Variants in RLIM observed in about 807,000 individuals in gnomAD.
The protein encoded by RLIM is ring finger protein, LIM domain interacting, also known as E3 ubiquitin-protein ligase RLIM.
Under a neutral mutation model 34.0 loss-of-function variants are expected in RLIM, and 2 were observed. The observed-to-expected ratio is 0.06, with a 90% CI of 0.02 to 0.19. The LOEUF is 0.19. Among genes scored for constraint, RLIM ranks in the 10% least tolerant of loss-of-function variants. The pLI is 1.00. For synonymous variants in RLIM, 169 were observed against 164.0 expected (o/e 1.03, Z -0.23); for missense variants, 286 against 479.7 (o/e 0.60, Z 3.77).
chrX:74,607,590 T>C (rs1031873550), intron 1 of RLIM, among the ~76,000 whole-genome samples: 1 of 112,738 alleles, frequency 8.9e-6, no homozygotes, highest in Non-Finnish European at 1.9e-5. Context: ...GTGCCTGTAA[T>C]CCCAGCTACT....
intron 3 of RLIM, among the ~76,000 whole-genome samples, 156 bp downstream of exon 3, chrX:74,594,150 T>C (rs1444066603): frequency 8.9e-6 from 1 of 112,270 alleles, no homozygotes; most frequent in Non-Finnish European, 1.9e-5. Context: ...GCTGACATTC[T>C]AAGTATCAAG....
intron 1 of RLIM, among the ~76,000 whole-genome samples, chrX:74,599,693 C>A (rs1435443734): frequency 9.0e-6 from 1 of 111,508 alleles, no homozygotes; most frequent in Non-Finnish European, 1.9e-5. Context: ...TGCTGGCACC[C>A]TGATCTTGGA....
In RLIM at chrX:74,589,448, T is replaced by C. The variant is rs1436322998; in HGVS notation, c.*1992A>G. 8.9e-6 allele frequency: 1 copy of C among 111,938 alleles called. No individual in the cohort carries two copies. Among genetic ancestry groups the C allele is most frequent in the Non-Finnish European group, 1.9e-5 (1 of 53,215 alleles). 9.2% of individuals were successfully genotyped at this position (111,938 alleles called of 1,213,427 possible). On this transcript the variant is annotated 3_prime_UTR_variant, in exon 4 of 4. Transcript: ENST00000332687. ...CATAAGCGCCATAAACAGTGAAATC[T>C]GCTTATATTAAAAAAAATAAGTGAA...
chrX:74,596,241 T>C (rs1960101376), intron 1 of RLIM, among the ~76,000 whole-genome samples: 1 of 112,219 alleles, frequency 8.9e-6, no homozygotes, highest in South Asian at 3.7e-4. Context: ...AATCCAGCCA[T>C]ACTGTGGTAT....
rs1390872481 is a variant in RLIM at position 74,589,267 on chromosome X, CAAG to C, written c.*2170_*2172del. ...CCTATAATAATGAAACACTTTATGC[CAAG>C]AAGAAAATTGATTTGTTTTTAGCCA... is the stretch of plus-strand genomic sequence containing the variant. On this transcript the variant is annotated 3_prime_UTR_variant, in exon 4 of 4. Coordinates refer to ENST00000332687, the MANE Select transcript of RLIM (RefSeq NM_016120.4). The C allele has an allele frequency of 9.0e-6, 1 of 110,869 alleles. No individual in the cohort carries two copies. Among genetic ancestry groups the C allele is most frequent in the Non-Finnish European group, 1.9e-5 (1 of 52,920 alleles). The allele number at this position is 110,869 out of a possible 1,213,427, so 9.1% of individuals were successfully genotyped here.
In RLIM at chrX:74,583,316, C is replaced by T. The variant is rs772018102; in HGVS notation, c.*8124G>A. On this transcript the variant is annotated 3_prime_UTR_variant, in exon 4 of 4. Coordinates refer to ENST00000332687, the MANE Select transcript of RLIM (RefSeq NM_016120.4). ...TAAGAGGAAACAGCCATTCACCCAA[C>T]ATTTGCTTTTGCTCTTGAGGGGCAG... 8.8e-5 allele frequency: 88 copies of T among 1,000,943 alleles called. No homozygotes were observed. Among genetic ancestry groups the T allele is most frequent in the Non-Finnish European group, 8.5e-6 (6 of 702,200 alleles). 82.5% of individuals were successfully genotyped at this position (1,000,943 alleles called of 1,213,427 possible). A position where few individuals can be genotyped will look rare whatever the true frequency, so the allele number is the denominator to read the frequency against.
At chrX:74,597,132 TTCAA>T (rs1437551997) in intron 1 of RLIM, among the ~76,000 whole-genome samples, 12 of 112,077 alleles carry the variant, frequency 1.1e-4, no homozygotes, top group Non-Finnish European at 5.6e-5. Flanking sequence ...AAAATGAGGC[TTCAA>T]TCAAAGTAAA....
rs776212774 is a variant in RLIM, at chrX:74,595,894, T to C, written c.84A>G (p.Arg28=). 1 of 1,205,515 alleles carries C rather than the reference T, an allele frequency of 8.3e-7. No homozygotes were observed. The highest frequency in any genetic ancestry group is 1.1e-6 in the Non-Finnish European group (1 of 890,024). The change falls in exon 2 of 4, where the codon CGA becomes CGG. Residue 28 remains arginine (R), a synonymous_variant. Transcript: ENST00000332687. ...TTACAAATTGATAGAAAGCTTCTTC[T>C]CGATCCAATCGGTCCATCTGACTTC... ...QRRSQMDRLD[R]EEAFYQFVNN... is the part of the protein sequence containing the mutation.
At chrX:74,611,206 A>G (rs970921592) in intron 1 of RLIM, among the ~76,000 whole-genome samples, 1 of 111,987 alleles carries the variant, frequency 8.9e-6, no homozygotes, top group Non-Finnish European at 1.9e-5. Flanking sequence ...AAGACTTTTT[A>G]TTCTCTAATT....
intron 1 of RLIM, among the ~76,000 whole-genome samples, chrX:74,611,982 A>G (rs2079713400): frequency 8.9e-6 from 1 of 112,062 alleles, no homozygotes; most frequent in South Asian, 3.7e-4. Flanking sequence ...GTCGGGGACA[A>G]TCAAGGTTTG....
Position 74,591,982 on chromosome X carries a change from C to T in RLIM, c.1333G>A (p.Gly445Arg), listed in dbSNP as rs1429092049. ...CTACCACCACCAGAACCTCCTCTTC[C>T]ACTCCGTGACTCTGCCCTTTCCATA... ...RNMERAESRS[G>R]RGGSGGGSSS... Residue 445 changes from glycine (G) to arginine (R), a missense_variant, in exon 4 of 4, where the codon GGA becomes AGA. Gly to Arg is a moderately radical substitution (Grantham distance 125). Around this residue, in one of 6 missense-constraint regions of RLIM, gnomAD observed 69 missense variants for 83.5 expected, o/e 0.83. Coordinates refer to ENST00000332687, the MANE Select transcript of RLIM (RefSeq NM_016120.4). The T allele has an allele frequency of 8.3e-7, 1 of 1,211,660 alleles. No individual in the cohort carries two copies. Among genetic ancestry groups the T allele is most frequent in the Non-Finnish European group, 1.1e-6 (1 of 895,493 alleles).
In RLIM at chrX:74,583,496, T is replaced by C. The variant is rs1346229621; in HGVS notation, c.*7944A>G. 1.6e-5 allele frequency: 10 copies of C among 622,241 alleles called. No homozygotes were observed. In the East Asian group the frequency reaches 2.9e-4, roughly 18 times the overall value. 51.3% of individuals were successfully genotyped at this position (622,241 alleles called of 1,213,427 possible). On this transcript the variant is annotated 3_prime_UTR_variant, in exon 4 of 4. Transcript: ENST00000332687. Reference sequence around the variant, plus strand: ...GAACGGTGCGGACAGCAGGAGTAGCTGCAGCAGCTGTAGCTGCAAGACGTG... The same window carrying C: ...GAACGGTGCGGACAGCAGGAGTAGCCGCAGCAGCTGTAGCTGCAAGACGTG...
chrX:74,594,289 C>A lies in RLIM; in HGVS notation c.253+17G>T. 8.5e-7 allele frequency: 1 copy of A among 1,179,110 alleles called. No individual in the cohort carries two copies. The highest frequency in any genetic ancestry group is 1.1e-6 in the Non-Finnish European group (1 of 876,707). ...ATCCCATCGTCTATCCACCTCCCCA[C>A]CAAAACCAAAACATACCTCTATTTT... On this transcript the variant is annotated intron_variant, in intron 3 of 3. Transcript: ENST00000332687.
Position 74,588,525 on chromosome X carries a change from T to C in RLIM, c.*2915A>G, listed in dbSNP as rs1258237807. ...AAAAAACCTCAACTTTGTCAGCTGC[T>C]CAGAGTTAAAACAATTCAAATGTTT... On this transcript the variant is annotated 3_prime_UTR_variant, in exon 4 of 4. Coordinates refer to ENST00000332687, the MANE Select transcript of RLIM (RefSeq NM_016120.4). 1.8e-5 allele frequency: 2 copies of C among 112,047 alleles called. No homozygotes were observed. The highest frequency in any genetic ancestry group is 3.8e-5 in the Non-Finnish European group (2 of 53,226). 9.2% of individuals were successfully genotyped at this position (112,047 alleles called of 1,213,427 possible). A position where few individuals can be genotyped will look rare whatever the true frequency, so the allele number is the denominator to read the frequency against.
At chrX:74,613,542 A>G in intron 1 of RLIM, among the ~76,000 whole-genome samples, 1 of 110,060 alleles carries the variant, frequency 9.1e-6, no homozygotes, top group Middle Eastern at 4.7e-3. Flanking sequence ...AAAGGGACCG[A>G]GTATTCAGGA....
At chrX:74,608,084 T>C (rs769436782) in intron 1 of RLIM, among the ~76,000 whole-genome samples, 1 of 111,852 alleles carries the variant, frequency 8.9e-6, no homozygotes, top group Non-Finnish European at 1.9e-5. Flanking sequence ...GAAACTCAGC[T>C]CTGTGAAAGG....
intron 1 of RLIM, among the ~76,000 whole-genome samples, chrX:74,604,139 T>TA (rs1175817667): frequency 9.3e-6 from 1 of 107,878 alleles, no homozygotes; most frequent in South Asian, 4.0e-4. Context: ...CATTTCAACA[T>TA]AAAAAAAAAT....
rs775342071 is a variant in RLIM at position 74,583,383 on chromosome X, T to C, written c.*8057A>G. The C allele has an allele frequency of 7.7e-6, 6 of 774,688 alleles. No homozygotes were observed. In the South Asian group the frequency reaches 1.2e-4, roughly 16 times the overall value. 63.8% of individuals were successfully genotyped at this position (774,688 alleles called of 1,213,427 possible). ...AGTCAAAGGTTCCTGACCTTGTACA[T>C]GAATAGCAGGCTGTTGCACTGTAAC... On this transcript the variant is annotated 3_prime_UTR_variant, in exon 4 of 4. Coordinates refer to ENST00000332687, the MANE Select transcript of RLIM (RefSeq NM_016120.4).
intron 1 of RLIM, among the ~76,000 whole-genome samples, chrX:74,603,536 T>C (rs915143731): frequency 6.3e-5 from 7 of 111,774 alleles, no homozygotes; most frequent in African/African-American, 2.3e-4. Flanking sequence ...ATAGATTTCT[T>C]TTAGGGAACA....
Sources: allele counts gnomAD v4.1 joint callset (sites outside exome capture counted in the v4.1 genomes callset), GRCh38; gene constraint gnomAD v4.1.1; regional missense constraint gnomAD v4.1.1; transcripts MANE v1.5; gene names NCBI Gene and HGNC (gene_info 2026-07-23, HGNC 2026-07-21).